The following GJC1 variants were observed in gnomAD, a reference collection of about 807,000 sequenced individuals.
GJC1 encodes the protein gap junction gamma-1 protein.
Under a neutral mutation model 29.3 loss-of-function variants are expected in GJC1, and 5 were observed. The observed-to-expected ratio is 0.17, with a 90% CI of 0.09 to 0.36. The LOEUF is 0.36. GJC1 is among the 10% of genes least tolerant of loss of function. The pLI is 1.00. For missense variants in GJC1, 310 were observed against 496.2 expected (o/e 0.62, Z 3.56); for synonymous variants, 177 against 183.3 (o/e 0.97, Z 0.28).
chr17:44,825,916 C>G lies in GJC1; in HGVS notation c.-97+4146G>C, dbSNP rs2050170010. 2.0e-5 allele frequency among the ~76,000 whole-genome samples: 3 copies of G among 152,040 alleles called. No individual in the cohort carries two copies. In the South Asian group the frequency reaches 6.2e-4, roughly 32 times the overall value. ...GGAGAAGAATTCATTTACCAGAATA[C>G]TTCATTTCTTTCTTTTTATTTTGAG... On this transcript the variant is annotated intron_variant, in intron 1 of 2. Transcript: ENST00000592524.
At chr17:44,821,730 A>AAC (rs2050110809) in intron 1 of GJC1, among the ~76,000 whole-genome samples, 11 of 141,494 alleles carry the variant, frequency 7.8e-5, no homozygotes, top group Non-Finnish European at 1.1e-4. Flanking sequence ...AAAAAACAAC[A>AAC]AAAAAACACC....
chr17:44,795,391 G>A (rs758207615), downstream of GJC1, among the ~76,000 whole-genome samples: 68 of 152,166 alleles, frequency 4.5e-4, no homozygotes, highest in Middle Eastern at 6.8e-3. Context: ...CTTCCACTGC[G>A]CCCAGCTAAT....
chr17:44,805,258 A>C lies in GJC1; in HGVS notation c.560T>G (p.Phe187Cys). The change falls in exon 3 of 3, where the codon TTT becomes TGT. Residue 187 changes from phenylalanine to cysteine, a missense_variant. This residue lies in a region of GJC1 where 45 missense variants were observed against 126.2 expected (regional missense o/e 0.36). Transcript: ENST00000592524. This position sits in a 1 kb window ranked among gnomAD's most constrained non-coding sequence, Gnocchi z 5.1. ...CTGCCCTATCAGAAAACCCACCTCA[A>C]ACACGGTCCTTGCCAGCAACTGCAG... ...YVLQLLARTVFEVGFLIGQYF... is the reference protein window; with the variant it reads ...YVLQLLARTVCEVGFLIGQYF... 1 of 1,614,160 alleles carries C rather than the reference A, an allele frequency of 6.2e-7. No individual in the cohort carries two copies. Among genetic ancestry groups the C allele is most frequent in the Non-Finnish European group, 8.5e-7 (1 of 1,180,014 alleles).
chr17:44,830,721 G>A, upstream of GJC1: 1 of 398,694 alleles, frequency 2.5e-6, no homozygotes, highest in Non-Finnish European at 4.4e-6. The surrounding 1 kb of genome is among the most constrained non-coding windows in gnomAD (Gnocchi z 4.3). Flanking sequence ...AGCACGGGAT[G>A]CTAATGTCTC....
intron 1 of GJC1, among the ~76,000 whole-genome samples, chr17:44,811,463 G>A (rs2049981044): frequency 6.8e-6 from 1 of 146,470 alleles, no homozygotes; most frequent in South Asian, 2.2e-4. Context: ...TGGGCTCACT[G>A]TAGCCTCAGC....
In GJC1 at chr17:44,805,331, C is replaced by G; in HGVS notation, c.487G>C (p.Asp163His). Residue 163 changes from aspartate to histidine, a missense_variant, in exon 3 of 3, where the codon GAT (aspartate) becomes CAT (histidine). Asp to His is a moderately conservative substitution (Grantham distance 81). Coordinates refer to ENST00000592524, the MANE Select transcript of GJC1 (RefSeq NM_005497.4). This position sits in a 1 kb window ranked among gnomAD's most constrained non-coding sequence, Gnocchi z 5.1. ...KEQSQPKPKH[D>H]GRRRIREDGL... ...TCTTCCCGAATCCGTCGTCGGCCAT[C>G]ATGCTTAGGTTTGGGTTGGCTCTGC... 6.2e-7 allele frequency: 1 copy of G among 1,614,226 alleles called. No individual in the cohort carries two copies. The highest frequency in any genetic ancestry group is 8.5e-7 in the Non-Finnish European group (1 of 1,180,026).
At chr17:44,819,002 A>ACCC (rs142119207) in intron 1 of GJC1, among the ~76,000 whole-genome samples, 1 of 150,520 alleles carries the variant, frequency 6.6e-6, no homozygotes, top group African/African-American at 2.4e-5. Flanking sequence ...AGCACTAAAA[A>ACCC]CCCCCCTCAT....
rs1215070892 is a variant in GJC1, at chr17:44,820,499, C to CA, written c.-97+9562dup. On this transcript the variant is annotated intron_variant, in intron 1 of 2. Transcript: ENST00000592524. Reference sequence around the variant, plus strand: ...CCAAACTGACAAATTATGTGGAACTCAAAAGTCTAGGGATAGGAGAAAAGT... The same window carrying CA: ...CCAAACTGACAAATTATGTGGAACTCAAAAAGTCTAGGGATAGGAGAAAAGT... Among the ~76,000 whole-genome samples the CA allele has an allele frequency of 2.6e-5, 4 of 152,136 alleles. No homozygotes were observed. In the South Asian group the frequency reaches 8.3e-4, roughly 32 times the overall value.
At chr17:44,812,505 AAAAC>A (rs929547992) in intron 1 of GJC1, among the ~76,000 whole-genome samples, 2 of 152,194 alleles carry the variant, frequency 1.3e-5, no homozygotes, top group African/African-American at 2.4e-5. Flanking sequence ...TAAATGGGTT[AAAAC>A]AAACAAACAC....
intron 1 of GJC1, among the ~76,000 whole-genome samples, chr17:44,822,308 CGGGTATCA>C (rs953893878): frequency 6.7e-6 from 1 of 149,194 alleles, no homozygotes; most frequent in African/African-American, 2.5e-5. Flanking sequence ...TAACTGCTAA[CGGGTATCA>C]GGTTTCTTTT....
At position 44,803,556 on chromosome 17, in the gene GJC1, T is replaced by C. The variant is rs1476210173; in HGVS notation, c.*1071A>G. On this transcript the variant is annotated 3_prime_UTR_variant, in exon 3 of 3. Transcript: ENST00000592524. ...ATGGTAAATTATAAAAAATAAGAAA[T>C]TTGGATTTAGGCCTTCTGCCATTTC... is the stretch of plus-strand genomic sequence containing the variant. 6.6e-6 allele frequency: 1 copy of C among 152,244 alleles called. No individual in the cohort carries two copies. Among genetic ancestry groups the C allele is most frequent in the East Asian group, 1.9e-4 (1 of 5,206 alleles). The allele number at this position is 152,244 out of a possible 1,614,324, so 9.4% of individuals were successfully genotyped here. A position where few individuals can be genotyped will look rare whatever the true frequency, so the allele number is the denominator to read the frequency against.
chr17:44,814,388 C>G (rs1360333408), intron 1 of GJC1, among the ~76,000 whole-genome samples: 1 of 152,112 alleles, frequency 6.6e-6, no homozygotes, highest in Non-Finnish European at 1.5e-5. Context: ...GATCCACCCA[C>G]CTCAGCCTCC....
At chr17:44,827,632 C>A (rs534231744) in intron 1 of GJC1, among the ~76,000 whole-genome samples, 1 of 151,116 alleles carries the variant, frequency 6.6e-6, no homozygotes, top group Non-Finnish European at 1.5e-5. Context: ...ATAGCAATGT[C>A]TTTGAAAAAA....
intron 1 of GJC1, among the ~76,000 whole-genome samples, chr17:44,813,559 C>T (rs539673895): frequency 2.2e-5 from 3 of 138,016 alleles, no homozygotes; most frequent in Middle Eastern, 8.5e-3. Context: ...GTACCACGAT[C>T]TCAACTTACT....
chr17:44,813,831 A>C (rs1162406208), intron 1 of GJC1, among the ~76,000 whole-genome samples: 1 of 151,814 alleles, frequency 6.6e-6, no homozygotes, highest in Non-Finnish European at 1.5e-5. Flanking sequence ...AATGTCAAAT[A>C]ATTCCTGGGA....
At position 44,824,970 on chromosome 17, in the gene GJC1, T is replaced by C. The variant is rs114131526; in HGVS notation, c.-97+5092A>G. Among the ~76,000 whole-genome samples the C allele has an allele frequency of 7.3e-3, 1,090 of 149,814 alleles. 21 individuals are homozygous for C. Among genetic ancestry groups the C allele is most frequent in the African/African-American group, 0.024 (989 of 40,818 alleles). On this transcript the variant is annotated intron_variant, in intron 1 of 2. Transcript: ENST00000592524. Reference sequence around the variant, plus strand: ...GTGCCTTGGCCTGTAATCCCCATATTTGAGAGGCCAAGAGGACTGCTTGAG... The same window carrying C: ...GTGCCTTGGCCTGTAATCCCCATATCTGAGAGGCCAAGAGGACTGCTTGAG...
rs1251170871 is a variant in GJC1 at position 44,799,186 on chromosome 17, C to T, written c.*5441G>A. 6.6e-6 allele frequency: 1 copy of T among 151,846 alleles called. No individual in the cohort carries two copies. The highest frequency in any genetic ancestry group is 1.9e-4 in the East Asian group (1 of 5,160). 9.4% of individuals were successfully genotyped at this position (151,846 alleles called of 1,614,324 possible). On this transcript the variant is annotated 3_prime_UTR_variant, in exon 3 of 3. Coordinates refer to ENST00000592524, the MANE Select transcript of GJC1 (RefSeq NM_005497.4). ...GCCAGAACTATTACTTCTTTTATCT[C>T]TGTAGAAACTGCACTGGATAACTTT...
chr17:44,830,502 G>A (rs1164760961), upstream of GJC1: 3 of 396,084 alleles, frequency 7.6e-6, no homozygotes, highest in Non-Finnish European at 1.3e-5. The surrounding 1 kb of genome is among the most constrained non-coding windows in gnomAD (Gnocchi z 4.3). Flanking sequence ...CACCCGCGTG[G>A]AGTCTGGACC....
chr17:44,811,038 G>A (rs1240413057), intron 1 of GJC1, among the ~76,000 whole-genome samples: 8 of 152,102 alleles, frequency 5.3e-5, no homozygotes, highest in South Asian at 2.1e-4. Flanking sequence ...CAAAGTGTTG[G>A]GATTACAGGT....
Sources: allele counts gnomAD v4.1 joint callset (sites outside exome capture counted in the v4.1 genomes callset), GRCh38; gene constraint gnomAD v4.1.1; regional missense constraint gnomAD v4.1.1; non-coding constraint Gnocchi (gnomAD v3.1); transcripts MANE v1.5; gene names NCBI Gene and HGNC (gene_info 2026-07-23, HGNC 2026-07-21).